CEP290: variants seen among roughly 807,000 people sequenced by gnomAD.
CEP290 encodes the protein centrosomal protein 290.
In CEP290, 317 loss-of-function variants were observed where a neutral mutation model predicts 344.9. The ratio of observed to expected loss-of-function variants is 0.92; its 90% CI spans 0.84 to 1.01. The LOEUF is 1.01. Among genes scored for constraint, CEP290 ranks in the 50% least tolerant of loss-of-function variants. The probability of loss-of-function intolerance (pLI) is 0.00; values close to 1 mark genes in which losing one functional copy is unlikely to be tolerated. For synonymous variants in CEP290, 932 were observed against 895.8 expected, an observed-to-expected ratio of 1.04 and a Z score of -0.72; for missense variants, 2,754 against 2,761.4, an observed-to-expected ratio of 1.00 and a Z score of 0.06.
rs2138094304 is a variant in CEP290, at chr12:88,130,291, T to C, written c.646A>G (p.Ile216Val). 2 of 1,605,312 alleles carry C rather than the reference T, an allele frequency of 1.2e-6. No individual in the cohort carries two copies. Among genetic ancestry groups the C allele is most frequent in the East Asian group, 2.2e-5 (1 of 44,594 alleles). The change falls in exon 9 of 54, where the codon ATC becomes GTC. Residue 216 changes from isoleucine (I) to valine (V), a missense_variant. Coordinates refer to ENST00000552810, the MANE Select transcript of CEP290 (RefSeq NM_025114.4). ...ACCTGAATTTCATCAAGATATTGGA[T>C]AAGCTCATAGTTTTTTTTAGACAAC... ...SQLSKKNYEL[I>V]QYLDEIQTLT... is the part of the protein sequence containing the mutation.
intron 3 of CEP290, among the ~76,000 whole-genome samples, chr12:88,140,038 G>T (rs1001239043): frequency 5.9e-5 from 9 of 152,100 alleles, no homozygotes; most frequent in Admixed American, 1.3e-4. Context: ...TTACAGACGT[G>T]AGCCACCATG....
intron 31 of CEP290, among the ~76,000 whole-genome samples, chr12:88,088,534 G>C (rs1229055987): frequency 6.6e-6 from 1 of 151,964 alleles, no homozygotes; most frequent in East Asian, 1.9e-4. Flanking sequence ...TAAAATCTTT[G>C]GTTAGAAAAG....
chr12:88,068,336 T>C (rs2035095546), intron 44 of CEP290, among the ~76,000 whole-genome samples, 186 bp downstream of exon 44: 1 of 152,048 alleles, frequency 6.6e-6, no homozygotes. Flanking sequence ...TTTACTGTTA[T>C]TATGTTAAAA....
At chr12:88,094,255 T>A (rs1425675688) in intron 27 of CEP290, among the ~76,000 whole-genome samples, 1 of 151,688 alleles carries the variant, frequency 6.6e-6, no homozygotes, top group African/African-American at 2.4e-5. Context: ...CATAAAGGAC[T>A]TAGTGTAGAA....
At chr12:88,115,409 C>G (rs1051161701) in intron 18 of CEP290, 23 of 1,039,136 alleles carry the variant, frequency 2.2e-5, no homozygotes, top group Non-Finnish European at 3.0e-5. Flanking sequence ...TGGTAAGAGG[C>G]AAAAAGATAT....
At chr12:88,051,632 A>C (rs1488788521) in intron 52 of CEP290, 1 of 152,206 alleles carries the variant, frequency 6.6e-6, no homozygotes, top group Non-Finnish European at 1.5e-5. Flanking sequence ...TTAGGAAATA[A>C]GGAATTTTGA....
intron 7 of CEP290, among the ~76,000 whole-genome samples, chr12:88,130,953 C>T (rs1205918359): frequency 6.6e-6 from 1 of 151,956 alleles, no homozygotes; most frequent in Non-Finnish European, 1.5e-5. Flanking sequence ...AAGATTTACC[C>T]GCATAGACCT....
chr12:88,075,640 G>T (rs2035712089), intron 41 of CEP290, among the ~76,000 whole-genome samples: 1 of 151,962 alleles, frequency 6.6e-6, no homozygotes, highest in African/African-American at 2.4e-5. Flanking sequence ...CACAGGGGTG[G>T]GTTTTGTTAC....
intron 52 of CEP290, 105 bp downstream of exon 52, chr12:88,053,547 T>G: frequency 1.6e-6 from 1 of 634,228 alleles, no homozygotes; most frequent in Non-Finnish European, 2.8e-6. Flanking sequence ...GAATTCGATT[T>G]TACAGGGAGA....
At chr12:88,115,844 T>C (rs546919477) in intron 18 of CEP290, 98 of 983,828 alleles carry the variant, frequency 1.0e-4, no homozygotes, top group Non-Finnish European at 1.1e-4. Context: ...ATAATTTTGA[T>C]TGTGCAGTAA....
intron 18 of CEP290, chr12:88,116,196 G>GA (rs1006162081): frequency 7.6e-6 from 2 of 261,676 alleles, no homozygotes; most frequent in Admixed American, 6.5e-5. Flanking sequence ...ACAGTCATCA[G>GA]AAAAAAGGCA....
In CEP290 at chr12:88,058,961, C is replaced by T. The variant is rs1174309542; in HGVS notation, c.6705G>A (p.Glu2235=). ...IAKNNLEILN[E]KMTVQLEETG... is the part of the protein sequence containing the mutation. Reference sequence around the variant, plus strand: ...TCTCTTCTAGTTGAACTGTCATCTTCTCATTTAATATCTCTAAATTATTCT... The same window carrying T: ...TCTCTTCTAGTTGAACTGTCATCTTTTCATTTAATATCTCTAAATTATTCT... The change falls in exon 49 of 54, where the codon GAG becomes GAA. Residue 2235 remains glutamate (E), a synonymous_variant. Coordinates refer to ENST00000552810, the MANE Select transcript of CEP290 (RefSeq NM_025114.4). 8.1e-6 allele frequency: 13 copies of T among 1,613,594 alleles called. No homozygotes were observed. Among genetic ancestry groups the T allele is most frequent in the Non-Finnish European group, 1.1e-5 (13 of 1,179,678 alleles).
chr12:88,094,039 AG>A, intron 27 of CEP290, 64 bp from the exon 28 acceptor site: 1 of 1,236,974 alleles, frequency 8.1e-7, no homozygotes, highest in Non-Finnish European at 1.1e-6. Context: ...CAGATATTTT[AG>A]ATGCTGTATA....
chr12:88,082,556 T>A (rs1386343984), intron 37 of CEP290, among the ~76,000 whole-genome samples: 1 of 151,942 alleles, frequency 6.6e-6, no homozygotes, highest in Non-Finnish European at 1.5e-5. Context: ...TACCCAGGTG[T>A]GGTGGCACCT....
At chr12:88,052,751 C>T (rs1315937240) in intron 52 of CEP290, among the ~76,000 whole-genome samples, 1 of 151,992 alleles carries the variant, frequency 6.6e-6, no homozygotes, top group Non-Finnish European at 1.5e-5. Context: ...TATTTATTTA[C>T]ATAAGAAAAC....
chr12:88,053,156 A>G (rs547437911), intron 52 of CEP290, among the ~76,000 whole-genome samples: 1 of 152,194 alleles, frequency 6.6e-6, no homozygotes, highest in East Asian at 1.9e-4. Flanking sequence ...TATGTGTGAT[A>G]TATATGTATA....
intron 25 of CEP290, 139 bp from the exon 26 acceptor site, chr12:88,103,150 G>GA: frequency 2.3e-6 from 1 of 442,864 alleles, no homozygotes; most frequent in Non-Finnish European, 3.8e-6. Flanking sequence ...TCCCATGTAA[G>GA]AAAAACATGC....
chr12:88,092,745 C>A lies in CEP290; in HGVS notation c.3397G>T (p.Ala1133Ser). The change falls in exon 29 of 54, where the codon GCT (alanine) becomes TCT (serine). Residue 1133 changes from alanine (A) to serine (S), a missense_variant. Coordinates refer to ENST00000552810, the MANE Select transcript of CEP290 (RefSeq NM_025114.4). ...ADSVSKAVSD[A>S]DRQRILELEK... ...AATTCTAGAATCCGTTGCCTATCAG[C>A]ATCACTTACTGCCTTGCTCACACTA... The A allele has an allele frequency of 6.2e-7, 1 of 1,610,024 alleles. No individual in the cohort carries two copies.
intron 14 of CEP290, 127 bp from the exon 15 acceptor site, chr12:88,120,403 C>G (rs766110464): frequency 2.2e-6 from 1 of 448,230 alleles, no homozygotes; most frequent in Non-Finnish European, 3.8e-6. Flanking sequence ...TATCATTACA[C>G]TGGTTTTTTA....
Sources: gnomAD v4.1 joint callset for allele counts (sites outside exome capture counted in the v4.1 genomes callset) on GRCh38, gnomAD v4.1.1 for gene constraint, MANE v1.5 for transcripts, NCBI Gene and HGNC (gene_info 2026-07-23, HGNC 2026-07-21) for gene names.